FUT8: variants seen among roughly 807,000 people sequenced by gnomAD.
The protein encoded by FUT8 is fucosyltransferase 8, also known as alpha-(1,6)-fucosyltransferase.
A neutral mutation model predicts 71.3 loss-of-function variants in FUT8; 29 were observed. That is an observed-to-expected ratio of 0.41 (90% CI 0.30 to 0.55). FUT8 has a LOEUF of 0.55. Ranked by LOEUF, FUT8 falls within the 20% of genes least tolerant of loss-of-function variation. The pLI is 0.34. For synonymous variants in FUT8, 254 were observed against 239.3 expected (o/e 1.06, Z -0.57); for missense variants, 544 against 702.1 (o/e 0.77, Z 2.55).
intron 5 of FUT8, 45 bp downstream of exon 5, chr14:65,616,418 A>G (rs752266680): frequency 2.8e-6 from 4 of 1,446,820 alleles, no homozygotes; most frequent in East Asian, 4.6e-5. Context: ...AGAAAAGATT[A>G]TAATCTAAGA....
chr14:65,407,213 C>T (rs955804396), upstream of FUT8, among the ~76,000 whole-genome samples: 3 of 152,166 alleles, frequency 2.0e-5, no homozygotes, highest in Non-Finnish European at 4.4e-5. Flanking sequence ...TGGCTCAATA[C>T]TTCTCTATCC....
chr14:65,370,317 C>T, the FUT8 span, among the ~76,000 whole-genome samples: 4 of 151,196 alleles, frequency 2.6e-5, no homozygotes, highest in African/African-American at 4.9e-5. Flanking sequence ...ACGCCATTCT[C>T]CCACCTCAGC....
intron 1 of FUT8, among the ~76,000 whole-genome samples, chr14:65,440,632 A>G (rs1566748679): frequency 6.6e-6 from 1 of 151,892 alleles, no homozygotes; most frequent in African/African-American, 2.4e-5. Context: ...TGTAACTTCT[A>G]TTTGCCAATT....
In FUT8 at chr14:65,415,867, A is replaced by AG. The variant is rs202063361; in HGVS notation, c.-326+2653_-326+2654insG. Among the ~76,000 whole-genome samples the AG allele has an allele frequency of 3.8e-3, 586 of 152,232 alleles. 1 individual carries two copies. Among genetic ancestry groups the AG allele is most frequent in the African/African-American group, 0.013 (548 of 41,526 alleles). Reference sequence around the variant, plus strand: ...AAGCAGTTGTTTTGTGGCCTGTGGCATTTCATTTAGGTTTCTAAGCTGTAA... The same window carrying AG: ...AAGCAGTTGTTTTGTGGCCTGTGGCAGTTTCATTTAGGTTTCTAAGCTGTAA... On this transcript the variant is annotated intron_variant, in intron 1 of 10. Coordinates refer to ENST00000673929, the MANE Select transcript of FUT8 (RefSeq NM_001371533.1).
At chr14:65,651,301 GTGTT>G (rs1891396023) in intron 6 of FUT8, among the ~76,000 whole-genome samples, 1 of 152,248 alleles carries the variant, frequency 6.6e-6, no homozygotes, top group Non-Finnish European at 1.5e-5. Context: ...GGGCTCTGCT[GTGTT>G]ATACCACCCA....
intron 6 of FUT8, among the ~76,000 whole-genome samples, chr14:65,655,173 A>C (rs1241248974): frequency 6.6e-6 from 1 of 151,830 alleles, no homozygotes; most frequent in Admixed American, 6.6e-5. Context: ...CAATAATCAA[A>C]AGAAAGATAG....
chr14:65,480,643 AT>A (rs1395914607), intron 2 of FUT8, among the ~76,000 whole-genome samples: 1 of 151,138 alleles, frequency 6.6e-6, no homozygotes, highest in Non-Finnish European at 1.5e-5. Context: ...ACCACTTTTG[AT>A]TCTTCTGGGT....
Position 65,551,077 on chromosome 14 carries a change from T to C in FUT8, c.-227-10260T>C, listed in dbSNP as rs555057016. Among the ~76,000 whole-genome samples the C allele has an allele frequency of 2.0e-5, 3 of 152,164 alleles. No individual in the cohort carries two copies. The South Asian group carries it at 6.2e-4, about 32-fold the overall frequency. ...GCATAGGGTACACATATTTTTATTA[T>C]TTAAATAAGTGCTGAATTATTTTTG... On this transcript the variant is annotated intron_variant, in intron 2 of 10. Transcript: ENST00000673929.
intron 3 of FUT8, among the ~76,000 whole-genome samples, chr14:65,578,134 A>G (rs1886892239): frequency 6.6e-6 from 1 of 152,120 alleles, no homozygotes; most frequent in African/African-American, 2.4e-5. Context: ...TTCATTAAAT[A>G]TTTTATTTAA....
At chr14:65,614,111 CA>C (rs33994378) in intron 3 of FUT8, among the ~76,000 whole-genome samples, 200 of 134,414 alleles carry the variant, frequency 1.5e-3, no homozygotes, top group Middle Eastern at 8.1e-3. Flanking sequence ...GAGACTGTGT[CA>C]AAAAAAAAAA....
At chr14:65,571,592 T>G (rs1179787836) in intron 3 of FUT8, among the ~76,000 whole-genome samples, 1 of 152,130 alleles carries the variant, frequency 6.6e-6, no homozygotes, top group Non-Finnish European at 1.5e-5. Context: ...TAGAGAAGCA[T>G]AGCATCATAT....
intron 2 of FUT8, among the ~76,000 whole-genome samples, chr14:65,493,960 A>C (rs2066521111): frequency 6.6e-6 from 1 of 152,120 alleles, no homozygotes; most frequent in African/African-American, 2.4e-5. Flanking sequence ...AGATGAGTGA[A>C]TGTAATATGC....
At chr14:65,393,149 A>G in the FUT8 span, among the ~76,000 whole-genome samples, 1 of 152,212 alleles carries the variant, frequency 6.6e-6, no homozygotes, top group Non-Finnish European at 1.5e-5. Context: ...AGTTCTTGCT[A>G]TGCTGCAGAG....
chr14:65,507,242 G>C (rs544249605), intron 2 of FUT8, among the ~76,000 whole-genome samples: 173 of 152,280 alleles, frequency 1.1e-3, no homozygotes, highest in African/African-American at 3.8e-3. Context: ...AGATCAGGTT[G>C]CCTTCAACCA....
intron 1 of FUT8, among the ~76,000 whole-genome samples, chr14:65,423,915 T>A (rs1335105485): frequency 2.6e-5 from 4 of 152,234 alleles, no homozygotes; most frequent in Admixed American, 6.5e-5. Flanking sequence ...AATGGCTTCA[T>A]GAATTCTTTT....
chr14:65,368,491 C>T, the FUT8 span, among the ~76,000 whole-genome samples: 5 of 133,590 alleles, frequency 3.7e-5, no homozygotes, highest in Non-Finnish European at 6.5e-5. Flanking sequence ...CAGGCGCCTG[C>T]CACCACGCCT....
At chr14:65,737,353 G>A (rs570170247) in intron 10 of FUT8, among the ~76,000 whole-genome samples, 1 of 152,176 alleles carries the variant, frequency 6.6e-6, no homozygotes, top group South Asian at 2.1e-4. Context: ...GAAAATTGGA[G>A]GCAATATTAG....
rs145619733 is a variant in FUT8 at position 65,510,762 on chromosome 14, C to T, written c.-227-50575C>T. Reference sequence around the variant, plus strand: ...ATGATTCTTCGGATTTCTGTGATATCGGTTGTACTGTCTCCTTTGTTACCT... The same window carrying T: ...ATGATTCTTCGGATTTCTGTGATATTGGTTGTACTGTCTCCTTTGTTACCT... On this transcript the variant is annotated intron_variant, in intron 2 of 10. Coordinates refer to ENST00000673929, the MANE Select transcript of FUT8 (RefSeq NM_001371533.1). 2.9e-3 allele frequency among the ~76,000 whole-genome samples: 442 copies of T among 152,140 alleles called. 5 individuals are homozygous for T. Among genetic ancestry groups the T allele is most frequent in the African/African-American group, 9.6e-3 (399 of 41,544 alleles).
chr14:65,518,395 A>G (rs1434262959), intron 2 of FUT8, among the ~76,000 whole-genome samples: 1 of 152,148 alleles, frequency 6.6e-6, no homozygotes, highest in Non-Finnish European at 1.5e-5. Flanking sequence ...AAGACTCATT[A>G]CTTTGTAGGG....
Sources: allele counts gnomAD v4.1 joint callset (sites outside exome capture counted in the v4.1 genomes callset), GRCh38; gene constraint gnomAD v4.1.1; transcripts MANE v1.5; gene names NCBI Gene and HGNC (gene_info 2026-07-23, HGNC 2026-07-21).